SIPA1L3: variants seen among roughly 807,000 people sequenced by gnomAD.
SIPA1L3 encodes signal induced proliferation associated 1 like 3, also known as signal-induced proliferation-associated 1-like protein 3.
SIPA1L3 carries 59 observed loss-of-function variants against 150.1 expected under a neutral mutation model. The observed-to-expected ratio is 0.39, with a 90% confidence interval of 0.32 to 0.49. The LOEUF is 0.49. Among genes scored for constraint, SIPA1L3 ranks in the 20% least tolerant of loss-of-function variants. The pLI, the probability that SIPA1L3 is intolerant of heterozygous loss-of-function variation, is 0.86. For synonymous variants in SIPA1L3, 1,070 were observed against 1,077.6 expected (o/e 0.99, Z 0.14); for missense variants, 2,211 against 2,489.5 (o/e 0.89, Z 2.38).
intron 11 of SIPA1L3, 152 bp downstream of exon 11, chr19:38,141,587 C>A: frequency 1.2e-6 from 1 of 860,692 alleles, no homozygotes; most frequent in Non-Finnish European, 1.7e-6. Flanking sequence ...TTGTTCCTCC[C>A]TCCCTCCTTC....
chr19:38,047,486 A>G lies in SIPA1L3; in HGVS notation c.-311+18330A>G, dbSNP rs1568519211. Among the ~76,000 whole-genome samples, 1 of 152,190 alleles carries G rather than the reference A, an allele frequency of 6.6e-6. No homozygotes were observed. Among genetic ancestry groups the G allele is most frequent in the Non-Finnish European group, 1.5e-5 (1 of 68,046 alleles). Reference sequence around the variant, plus strand: ...TGCTCAGTAAATATTTGTTGAATGAATGAACCGACATGGCCAGTGACACAA... The same window carrying G: ...TGCTCAGTAAATATTTGTTGAATGAGTGAACCGACATGGCCAGTGACACAA... On this transcript the variant is annotated intron_variant, in intron 2 of 21. Coordinates refer to ENST00000222345, the MANE Select transcript of SIPA1L3 (RefSeq NM_015073.3). The surrounding 1 kb of genome is among the most constrained non-coding windows in gnomAD (Gnocchi z 4.7).
At chr19:38,090,844 C>T (rs2145840982) in intron 4 of SIPA1L3, among the ~76,000 whole-genome samples, 1 of 152,336 alleles carries the variant, frequency 6.6e-6, no homozygotes, top group East Asian at 1.9e-4. Flanking sequence ...CCAAGACCTT[C>T]CCACTGAGTT....
intron 1 of SIPA1L3, among the ~76,000 whole-genome samples, chr19:38,007,451 C>CAAA (rs1302582305): frequency 4.2e-5 from 1 of 23,846 alleles, no homozygotes; most frequent in South Asian, 1.9e-3. Context: ...AACTCTGTCT[C>CAAA]AAAAAAAAAA....
chr19:37,949,990 T>A (rs995792010), intron 1 of SIPA1L3, among the ~76,000 whole-genome samples: 46 of 148,104 alleles, frequency 3.1e-4, no homozygotes, highest in Non-Finnish European at 4.3e-4. Flanking sequence ...GGCAGGAGAA[T>A]CGCTTGAACC....
chr19:38,206,085 C>A lies in SIPA1L3; in HGVS notation c.5203-12C>A. On this transcript the variant is annotated splice_polypyrimidine_tract_variant and intron_variant, in intron 21 of 21. Transcript: ENST00000222345. The stretch of plus-strand genomic sequence containing the variant: ...GCCCACCCGCCTGATGCCAGCTTCC[C>A]ACCCTGTGCAGGAGAAGCAGGACAA... 1 of 1,534,350 alleles carries A rather than the reference C, an allele frequency of 6.5e-7. No homozygotes were observed. The highest frequency in any genetic ancestry group is 8.8e-7 in the Non-Finnish European group (1 of 1,136,040).
intron 15 of SIPA1L3, among the ~76,000 whole-genome samples, chr19:38,168,193 C>T (rs1039771167): frequency 1.3e-5 from 2 of 152,112 alleles, no homozygotes; most frequent in East Asian, 1.9e-4. Flanking sequence ...TCGAGACCAG[C>T]CTGGCCCACA....
rs202005976 is a variant in SIPA1L3 at position 38,164,879 on chromosome 19, G to T, written c.4181G>T (p.Gly1394Val). ...GSSTPTGLAG[G>V]SRDPPRQPSD... ...AGCACCCCCACGGGACTGGCGGGGG[G>T]CAGCCGAGACCCACCGAGGCAGCCC... The change falls in exon 15 of 22, where the codon GGC becomes GTC. Residue 1394 changes from glycine (G) to valine (V), a missense_variant. This residue lies in a region of SIPA1L3 where 806 missense variants were observed against 870.1 expected (regional missense o/e 0.93). Coordinates refer to ENST00000222345, the MANE Select transcript of SIPA1L3 (RefSeq NM_015073.3). This position sits in a 1 kb window ranked among gnomAD's most constrained non-coding sequence, Gnocchi z 4.1. 5 of 1,561,062 alleles carry T rather than the reference G, an allele frequency of 3.2e-6. No individual in the cohort carries two copies. The highest frequency in any genetic ancestry group is 2.3e-5 in the East Asian group (1 of 44,230).
intron 2 of SIPA1L3, among the ~76,000 whole-genome samples, chr19:38,060,704 T>C (rs1010300770): frequency 1.3e-5 from 2 of 152,222 alleles, no homozygotes; most frequent in African/African-American, 2.4e-5. Flanking sequence ...GCTAACTTTT[T>C]TTTTGAGACA....
intron 2 of SIPA1L3, among the ~76,000 whole-genome samples, chr19:38,037,507 G>C (rs1249553751): frequency 6.6e-6 from 1 of 152,206 alleles, no homozygotes; most frequent in East Asian, 1.9e-4. Flanking sequence ...CTGGCTGGCG[G>C]TGAGGAGGAG....
At chr19:38,024,972 T>C (rs1340509010) in intron 1 of SIPA1L3, among the ~76,000 whole-genome samples, 1 of 152,166 alleles carries the variant, frequency 6.6e-6, no homozygotes, top group African/African-American at 2.4e-5. Flanking sequence ...AATTTACCCC[T>C]CTTTATTTCC....
In SIPA1L3 at chr19:37,990,234, C is replaced by T. The variant is rs531399964; in HGVS notation, c.-378-38855C>T. ...TTTGTAACTGGGTGGACCAGATCACCAGCTACCTGGGGGTAGGGACAGAGG... is the reference window on the plus strand; with the variant it reads ...TTTGTAACTGGGTGGACCAGATCACTAGCTACCTGGGGGTAGGGACAGAGG... On this transcript the variant is annotated intron_variant, in intron 1 of 21. Transcript: ENST00000222345. Among the ~76,000 whole-genome samples, 6 of 152,272 alleles carry T rather than the reference C, an allele frequency of 3.9e-5. No homozygotes were observed. In the East Asian group the frequency reaches 1.2e-3, roughly 29 times the overall value.
intron 1 of SIPA1L3, among the ~76,000 whole-genome samples, chr19:37,955,088 CAA>C (rs34802797): frequency 2.6e-4 from 12 of 45,414 alleles, no homozygotes; most frequent in Admixed American, 5.5e-4. Flanking sequence ...TGCTGTCTCT[CAA>C]AAAAAAAAAA....
intron 15 of SIPA1L3, among the ~76,000 whole-genome samples, chr19:38,169,642 GGT>G (rs1357801257): frequency 2.0e-5 from 3 of 152,138 alleles, no homozygotes; most frequent in Non-Finnish European, 4.4e-5. Flanking sequence ...GGGGTATGAG[GGT>G]GTATTTGAAA....
intron 1 of SIPA1L3, among the ~76,000 whole-genome samples, chr19:37,910,067 T>C (rs2046365697): frequency 6.6e-6 from 1 of 152,030 alleles, no homozygotes; most frequent in South Asian, 2.1e-4. Flanking sequence ...TTTCAGACAT[T>C]GCAGTTGTTA....
At chr19:38,116,284 C>T (rs973761145) in intron 8 of SIPA1L3, among the ~76,000 whole-genome samples, 4 of 151,788 alleles carry the variant, frequency 2.6e-5, no homozygotes, top group South Asian at 2.1e-4. Context: ...CCGAGGCGGG[C>T]GGATCATGAG....
intron 4 of SIPA1L3, among the ~76,000 whole-genome samples, chr19:38,097,935 G>A (rs1172357155): frequency 1.3e-5 from 2 of 152,128 alleles, no homozygotes; most frequent in Non-Finnish European, 2.9e-5. Context: ...CACGAGCTTC[G>A]GAGAAGTCAG....
At chr19:38,064,807 G>T (rs1286261672) in intron 2 of SIPA1L3, among the ~76,000 whole-genome samples, 1 of 152,214 alleles carries the variant, frequency 6.6e-6, no homozygotes, top group Non-Finnish European at 1.5e-5. Flanking sequence ...TAAGAGTTAA[G>T]CTGTATTATT....
chr19:38,119,374 G>A lies in SIPA1L3; in HGVS notation c.2360G>A (p.Arg787His), dbSNP rs139903780. 3.5e-4 allele frequency: 557 copies of A among 1,614,098 alleles called. 1 individual carries two copies. The highest frequency in any genetic ancestry group is 3.4e-4 in the Non-Finnish European group (398 of 1,180,040). The change falls in exon 9 of 22, where the codon CGC becomes CAC. Residue 787 changes from arginine to histidine, a missense_variant. Arg to His is a conservative substitution (Grantham distance 29). Transcript: ENST00000222345. ...CCCATCCCCAGTGGAACCACATTCC[G>A]CAAATCCGACGTCTTCAGAGACTTC... The part of the protein sequence containing the change: ...GPPIPSGTTF[R>H]KSDVFRDFLL...
intron 19 of SIPA1L3, chr19:38,199,913 C>G (rs1433701235): frequency 6.6e-6 from 1 of 151,958 alleles, no homozygotes; most frequent in African/African-American, 2.4e-5. Context: ...AGATGAAATA[C>G]AAAGACATCT....
Sources: allele counts gnomAD v4.1 joint callset (sites outside exome capture counted in the v4.1 genomes callset), GRCh38; gene constraint gnomAD v4.1.1; regional missense constraint gnomAD v4.1.1; non-coding constraint Gnocchi (gnomAD v3.1); transcripts MANE v1.5; gene names NCBI Gene and HGNC (gene_info 2026-07-23, HGNC 2026-07-21).